The following ATP11A variants were observed in gnomAD, a reference collection of about 807,000 sequenced individuals.
ATP11A encodes the protein ATPase phospholipid transporting 11A, also known as phospholipid-transporting ATPase IH.
A neutral mutation model predicts 154.4 loss-of-function variants in ATP11A; 81 were observed. The ratio of observed to expected loss-of-function variants is 0.52; its 90% CI spans 0.44 to 0.63. The LOEUF (loss-of-function observed/expected upper bound fraction) is 0.63. Ranked by LOEUF, ATP11A falls within the 30% of genes least tolerant of loss-of-function variation. The pLI is 0.00. For missense variants in ATP11A, 1,316 were observed against 1,474.3 expected (o/e 0.89, Z 1.76); for synonymous variants, 623 against 585.9 (o/e 1.06, Z -0.91).
intron 14 of ATP11A, 79 bp from the exon 15 acceptor site, chr13:112,834,510 C>T (rs2079179387): frequency 3.2e-6 from 3 of 934,840 alleles, no homozygotes; most frequent in African/African-American, 1.7e-5. Flanking sequence ...AACGCTTTAC[C>T]AAAATATAAA....
chr13:112,705,926 A>T (rs1887095163), intron 1 of ATP11A, among the ~76,000 whole-genome samples: 1 of 152,218 alleles, frequency 6.6e-6, no homozygotes, highest in African/African-American at 2.4e-5. Flanking sequence ...GTCCATTGTG[A>T]AGCGTACAGT....
At chr13:112,805,152 G>C (rs758796182) in intron 3 of ATP11A, 106 bp downstream of exon 3, 27 of 741,462 alleles carry the variant, frequency 3.6e-5, no homozygotes, top group Non-Finnish European at 5.8e-5. Flanking sequence ...AGGACATGGT[G>C]CCCCTCACCT....
chr13:112,813,179 C>T (rs776226678), intron 5 of ATP11A, among the ~76,000 whole-genome samples: 16 of 152,144 alleles, frequency 1.1e-4, no homozygotes, highest in Non-Finnish European at 1.6e-4. Flanking sequence ...AGTGCTAGAG[C>T]GTCCTAGAAA....
At chr13:112,796,389 A>C (rs1005999745) in intron 2 of ATP11A, among the ~76,000 whole-genome samples, 1 of 152,158 alleles carries the variant, frequency 6.6e-6, no homozygotes, top group Non-Finnish European at 1.5e-5. Flanking sequence ...GTGATTATAG[A>C]ACTATTCATG....
Position 112,854,329 on chromosome 13 carries a change from T to G in ATP11A, c.2042T>G (p.Ile681Ser). The G allele has an allele frequency of 1.2e-6, 2 of 1,613,910 alleles. No homozygotes were observed. The highest frequency in any genetic ancestry group is 2.2e-5 in the South Asian group (2 of 91,046). The change falls in exon 19 of 30, where the codon ATC becomes AGC. Residue 681 changes from isoleucine (I) to serine (S), a missense_variant. By Grantham distance (142) the Ile-to-Ser change is moderately radical. Transcript: ENST00000375645. ...ATCGAGGCCCTGCAGAAGGCCGGGATCAAAGTCTGGGTTCTCACGGGAGAC... is the reference window on the plus strand; with the variant it reads ...ATCGAGGCCCTGCAGAAGGCCGGGAGCAAAGTCTGGGTTCTCACGGGAGAC... ...DTIEALQKAG[I>S]KVWVLTGDKM...
chr13:112,778,294 G>A (rs2077396376), intron 1 of ATP11A, among the ~76,000 whole-genome samples: 1 of 152,260 alleles, frequency 6.6e-6, no homozygotes, highest in Admixed American at 6.5e-5. Context: ...TCTGTGAGAG[G>A]AGGTCGTCCA....
chr13:112,730,469 C>A (rs765509139), intron 1 of ATP11A, among the ~76,000 whole-genome samples: 6 of 152,210 alleles, frequency 3.9e-5, no homozygotes, highest in Non-Finnish European at 7.3e-5. Flanking sequence ...GTGATGAACT[C>A]CCCTGCTGAT....
intron 1 of ATP11A, among the ~76,000 whole-genome samples, chr13:112,766,667 A>T (rs2077084875): frequency 3.3e-5 from 5 of 152,092 alleles, no homozygotes. Flanking sequence ...CCCACCCCCC[A>T]GGATGGGGGC....
chr13:112,778,771 T>TGAG (rs1330619770), intron 1 of ATP11A, among the ~76,000 whole-genome samples: 2 of 58,252 alleles, frequency 3.4e-5, no homozygotes, highest in South Asian at 5.9e-4. Flanking sequence ...GCCGCTGGAG[T>TGAG]GAGTAGCCGC....
rs376413025 is a variant in ATP11A, at chr13:112,832,772, C to G, written c.1396-88C>G. On this transcript the variant is annotated intron_variant, in intron 13 of 29. Transcript: ENST00000375645. ...GTGGCCGCGGGGACCCCCCCCACCC[C>G]GCTTCTTGTTATCTCTCTGCGCCTG... 6 of 1,509,738 alleles carry G rather than the reference C, an allele frequency of 4.0e-6. No individual in the cohort carries two copies. In the African/African-American group the frequency reaches 4.1e-5, roughly 10 times the overall value. The allele number at this position is 1,509,738 out of a possible 1,614,324, so 93.5% of individuals were successfully genotyped here.
Position 112,859,232 on chromosome 13 carries a change from C to T in ATP11A, c.2668-161C>T. ...GTGGTCACATGTGCATTTCAGTTGC[C>T]CCTGAAATAAGAGAAAGCTTTCTAG... On this transcript the variant is annotated intron_variant, in intron 22 of 29. Transcript: ENST00000375645. The surrounding 1 kb of genome is among the most constrained non-coding windows in gnomAD (Gnocchi z 4.3). 3.0e-6 allele frequency: 2 copies of T among 670,990 alleles called. No homozygotes were observed. The highest frequency in any genetic ancestry group is 5.5e-6 in the Non-Finnish European group (2 of 366,650). The allele number at this position is 670,990 out of a possible 1,614,324, so 41.6% of individuals were successfully genotyped here.
intron 1 of ATP11A, among the ~76,000 whole-genome samples, chr13:112,716,974 C>T (rs2139605873): frequency 6.6e-6 from 1 of 152,130 alleles, no homozygotes; most frequent in Admixed American, 6.5e-5. Flanking sequence ...TTGTGGTGTC[C>T]ACCCACAGAC....
chr13:112,857,526 T>C (rs1016810341), intron 20 of ATP11A, among the ~76,000 whole-genome samples: 4 of 152,382 alleles, frequency 2.6e-5, no homozygotes, highest in African/African-American at 9.6e-5. Context: ...AACTACAAGC[T>C]ACTTCATATA....
chr13:112,728,519 C>T (rs984179187), intron 1 of ATP11A, among the ~76,000 whole-genome samples: 5 of 146,462 alleles, frequency 3.4e-5, no homozygotes, highest in Admixed American at 6.9e-5. Flanking sequence ...AGTATCCACG[C>T]GTGGAGGGGG....
intron 1 of ATP11A, among the ~76,000 whole-genome samples, chr13:112,715,747 A>G (rs142871852): frequency 4.7e-4 from 71 of 151,428 alleles, no homozygotes; most frequent in Middle Eastern, 3.4e-3. Flanking sequence ...CAGTTGTGCT[A>G]TTTTGCAGGA....
intron 1 of ATP11A, among the ~76,000 whole-genome samples, chr13:112,716,310 C>T (rs1888456413): frequency 6.6e-6 from 1 of 152,232 alleles, no homozygotes; most frequent in Admixed American, 6.5e-5. Context: ...GTGAGCTCTG[C>T]TCCGACAGCT....
intron 6 of ATP11A, 141 bp from the exon 7 acceptor site, chr13:112,819,163 T>C: frequency 1.4e-6 from 1 of 704,130 alleles, no homozygotes; most frequent in Non-Finnish European, 2.5e-6. Context: ...ATAACAGTAG[T>C]ACCTTATCTT....
At chr13:112,722,032 C>T (rs940145104) in intron 1 of ATP11A, among the ~76,000 whole-genome samples, 1 of 152,132 alleles carries the variant, frequency 6.6e-6, no homozygotes, top group Non-Finnish European at 1.5e-5. Context: ...AAGGACGCTA[C>T]AGTTTGCAAA....
intron 1 of ATP11A, among the ~76,000 whole-genome samples, chr13:112,779,391 C>T (rs1306214714): frequency 1.4e-5 from 2 of 141,478 alleles, no homozygotes; most frequent in African/African-American, 2.7e-5. Flanking sequence ...AGTGAGTAGC[C>T]GCTGGAGTGA....
Sources: allele counts gnomAD v4.1 joint callset (sites outside exome capture counted in the v4.1 genomes callset), GRCh38; gene constraint gnomAD v4.1.1; non-coding constraint Gnocchi (gnomAD v3.1); transcripts MANE v1.5; gene names NCBI Gene and HGNC (gene_info 2026-07-23, HGNC 2026-07-21).